RGS17: variants seen among roughly 807,000 people sequenced by gnomAD.
RGS17 encodes regulator of G-protein signaling 17.
RGS17 carries 12 observed loss-of-function variants against 25.5 expected under a neutral mutation model. That is an observed-to-expected ratio of 0.47 (90% CI 0.30 to 0.76). RGS17 has a LOEUF of 0.76. Among genes scored for constraint, RGS17 ranks in the 30% least tolerant of loss-of-function variants. The pLI is 0.07. For synonymous variants in RGS17, 71 were observed against 76.9 expected (o/e 0.92, Z 0.40); for missense variants, 196 against 242.2 (o/e 0.81, Z 1.27).
At chr6:153,118,603 T>C (rs1777576409) in intron 1 of RGS17, among the ~76,000 whole-genome samples, 1 of 152,220 alleles carries the variant, frequency 6.6e-6, no homozygotes, top group Non-Finnish European at 1.5e-5. Context: ...TTGTGGTACA[T>C]TCACTATTTC....
At chr6:153,029,506 A>C (rs1562315345) in intron 2 of RGS17, among the ~76,000 whole-genome samples, 1 of 152,020 alleles carries the variant, frequency 6.6e-6, no homozygotes, top group Non-Finnish European at 1.5e-5. Context: ...TATATATGTT[A>C]TATGTGTTTG....
At chr6:153,031,307 G>A (rs1258456761) in intron 2 of RGS17, among the ~76,000 whole-genome samples, 1 of 152,114 alleles carries the variant, frequency 6.6e-6, no homozygotes, top group East Asian at 1.9e-4. Context: ...GTGACAAAAA[G>A]GCCCATTATT....
At chr6:153,129,721 A>G (rs1215996669) in intron 1 of RGS17, among the ~76,000 whole-genome samples, 1 of 152,256 alleles carries the variant, frequency 6.6e-6, no homozygotes, top group Non-Finnish European at 1.5e-5. Context: ...TCGCCGTAAA[A>G]CAATTTAAGA....
chr6:153,086,666 CATT>C (rs1777058208), intron 1 of RGS17, among the ~76,000 whole-genome samples: 1 of 152,104 alleles, frequency 6.6e-6, no homozygotes, highest in Non-Finnish European at 1.5e-5. Flanking sequence ...AAGAGGTAGG[CATT>C]ATTATTTAAC....
Position 153,102,064 on chromosome 6 carries a change from G to T in RGS17, c.-26+29060C>A, listed in dbSNP as rs550381856. On this transcript the variant is annotated intron_variant, in intron 1 of 4. Coordinates refer to ENST00000206262, the MANE Select transcript of RGS17 (RefSeq NM_012419.5). The stretch of plus-strand genomic sequence containing the variant: ...TTGGCATTTCTGCCATCAATGCAAC[G>T]ATCTGCCTTTGTACTTGAAGGCATT... Among the ~76,000 whole-genome samples, 6 of 152,332 alleles carry T rather than the reference G, an allele frequency of 3.9e-5. No homozygotes were observed. The East Asian group carries it at 1.2e-3, about 29-fold the overall frequency.
rs531470827 is a variant in RGS17 at position 153,022,783 on chromosome 6, G to A, written c.444+1479C>T. ...TAGAGTTGTTTAGATACTAAAATTC[G>A]AGGCAGGCTAAAAGCCTGAAGAATG... On this transcript the variant is annotated intron_variant, in intron 4 of 4. Transcript: ENST00000206262. Among the ~76,000 whole-genome samples, 14 of 152,212 alleles carry A rather than the reference G, an allele frequency of 9.2e-5. No homozygotes were observed. In the South Asian group the frequency reaches 1.2e-3, roughly 14 times the overall value.
chr6:153,080,997 A>T lies in RGS17; in HGVS notation c.-25-36954T>A, dbSNP rs1035870453. 3.7e-4 allele frequency among the ~76,000 whole-genome samples: 57 copies of T among 152,166 alleles called. 8 individuals are homozygous for T. The highest frequency in any genetic ancestry group is 2.1e-3 in the Admixed American group (32 of 15,278). ...TTTTACCTTAAATTTAGATTTTTTT[A>T]AATTTAAGAATAATTGGTTAATGGC... On this transcript the variant is annotated intron_variant, in intron 1 of 4. Coordinates refer to ENST00000206262, the MANE Select transcript of RGS17 (RefSeq NM_012419.5).
chr6:153,084,882 A>G (rs1367028538), intron 1 of RGS17, among the ~76,000 whole-genome samples: 2 of 152,246 alleles, frequency 1.3e-5, no homozygotes, highest in South Asian at 2.1e-4. Flanking sequence ...TCCATCCATT[A>G]AAGTACTTAG....
chr6:153,012,346 A>G (rs977773243), intron 4 of RGS17, among the ~76,000 whole-genome samples: 2 of 152,206 alleles, frequency 1.3e-5, no homozygotes, highest in Admixed American at 6.5e-5. Flanking sequence ...ACATCCTTAT[A>G]TATCCAAAGA....
chr6:153,125,853 A>C (rs1777697145), intron 1 of RGS17, among the ~76,000 whole-genome samples: 1 of 152,184 alleles, frequency 6.6e-6, no homozygotes, highest in Admixed American at 6.5e-5. Flanking sequence ...TCAAAAAACA[A>C]AACAAAAACA....
At chr6:153,011,908 C>T (rs369181694) in intron 4 of RGS17, 146 bp from the exon 5 acceptor site, 13 of 559,378 alleles carry the variant, frequency 2.3e-5, no homozygotes, top group Admixed American at 3.6e-5. Flanking sequence ...TGAGACTACA[C>T]AACCTTATGT....
chr6:153,092,311 T>C (rs1777144420), intron 1 of RGS17, among the ~76,000 whole-genome samples: 1 of 152,154 alleles, frequency 6.6e-6, no homozygotes, highest in Non-Finnish European at 1.5e-5. Flanking sequence ...AACTATACGA[T>C]TTTGAAGGAA....
intron 1 of RGS17, among the ~76,000 whole-genome samples, chr6:153,121,098 A>T (rs966032546): frequency 5.3e-5 from 8 of 151,680 alleles, no homozygotes; most frequent in African/African-American, 1.9e-4. Context: ...TTTGGTACAG[A>T]GTAAGGATTG....
intron 1 of RGS17, among the ~76,000 whole-genome samples, chr6:153,046,651 G>A (rs1041082996): frequency 1.3e-5 from 2 of 152,060 alleles, no homozygotes. Context: ...TCCCGAAGAT[G>A]GTGCCAAGGA....
Position 153,114,968 on chromosome 6 carries a change from A to G in RGS17, c.-26+16156T>C, listed in dbSNP as rs1353967142. ...GCTATTTATGACAAACCCACAGCCA[A>G]TATCATACTGAATGGGCAAAAGCTG... On this transcript the variant is annotated intron_variant, in intron 1 of 4. Coordinates refer to ENST00000206262, the MANE Select transcript of RGS17 (RefSeq NM_012419.5). 3.3e-5 allele frequency among the ~76,000 whole-genome samples: 5 copies of G among 152,326 alleles called. No individual in the cohort carries two copies. In the East Asian group the frequency reaches 9.6e-4, roughly 29 times the overall value.
chr6:153,080,838 G>GT (rs140299894), intron 1 of RGS17, among the ~76,000 whole-genome samples: 3,619 of 142,772 alleles, frequency 0.025, 64 homozygotes, highest in Non-Finnish European at 0.032. Flanking sequence ...CATTTCTCCT[G>GT]TTTTTTTTTT....
intron 1 of RGS17, among the ~76,000 whole-genome samples, chr6:153,064,720 AGTT>A (rs1776684613): frequency 1.3e-5 from 2 of 151,680 alleles, no homozygotes; most frequent in African/African-American, 4.9e-5. Flanking sequence ...AACAGTGTTA[AGTT>A]GTTATCAGTT....
Position 153,030,788 on chromosome 6 carries a change from G to A in RGS17, c.120-4245C>T, listed in dbSNP as rs369106044. Among the ~76,000 whole-genome samples, 172 of 152,292 alleles carry A rather than the reference G, an allele frequency of 1.1e-3. 2 individuals carry two copies. The South Asian group carries it at 0.034, about 30-fold the overall frequency. ...CTGGTTCATGCAACATTCCCTGGTT[G>A]GACATAAAAGGTGAATAAGACAAAG... On this transcript the variant is annotated intron_variant, in intron 2 of 4. Transcript: ENST00000206262.
chr6:153,039,827 G>C (rs982691611), intron 2 of RGS17, among the ~76,000 whole-genome samples: 3 of 152,154 alleles, frequency 2.0e-5, no homozygotes, highest in African/African-American at 7.2e-5. Flanking sequence ...TCTCACATGT[G>C]AGCATCTGAA....
Sources: gnomAD v4.1 joint callset for allele counts (sites outside exome capture counted in the v4.1 genomes callset) on GRCh38, gnomAD v4.1.1 for gene constraint, MANE v1.5 for transcripts, NCBI Gene and HGNC (gene_info 2026-07-23, HGNC 2026-07-21) for gene names.